DNAH1: variants seen among roughly 807,000 people sequenced by gnomAD.
DNAH1 encodes dynein axonemal heavy chain 1.
Under a neutral mutation model 484.3 loss-of-function variants are expected in DNAH1, and 327 were observed. That is an observed-to-expected ratio of 0.68 (90% confidence interval 0.62 to 0.74). The LOEUF is 0.74. Ranked by LOEUF, DNAH1 falls within the 30% of genes least tolerant of loss-of-function variation. DNAH1 has a pLI of 0.00. For synonymous variants in DNAH1, 2,192 were observed against 2,191.9 expected (o/e 1.00, Z 0.00); for missense variants, 5,052 against 5,546.8 (o/e 0.91, Z 2.83).
intron 73 of DNAH1, 62 bp downstream of exon 73, chr3:52,397,106 T>C: frequency 6.8e-7 from 1 of 1,462,706 alleles, no homozygotes; most frequent in East Asian, 2.5e-5. Context: ...TGGGGTACCA[T>C]GAGCACCTTG....
Position 52,358,536 on chromosome 3 carries a change from C to T in DNAH1, c.4087-22C>T, listed in dbSNP as rs966313117. ...CTGGGCACACCAGGGTGACCCCACT[C>T]CTGCTCCTCCACTGCTTGCAGCTGC... On this transcript the variant is annotated intron_variant, in intron 24 of 77. Transcript: ENST00000420323. The surrounding 1 kb of genome is among the most constrained non-coding windows in gnomAD (Gnocchi z 4.2). 18 of 1,586,614 alleles carry T rather than the reference C, an allele frequency of 1.1e-5. No individual in the cohort carries two copies. The Admixed American group carries it at 2.3e-4, about 20-fold the overall frequency.
rs1405296703 is a variant in DNAH1 at position 52,391,329 on chromosome 3, G to A, written c.9891+1G>A. 2.5e-6 allele frequency: 4 copies of A among 1,606,990 alleles called. No individual in the cohort carries two copies. Among genetic ancestry groups the A allele is most frequent in the Non-Finnish European group, 3.4e-6 (4 of 1,176,760 alleles). On this transcript the variant is annotated splice_donor_variant, in intron 62 of 77. Coordinates refer to ENST00000420323, the MANE Select transcript of DNAH1 (RefSeq NM_015512.5). LOFTEE classifies it high-confidence loss of function. ...CCTGGAGCCAGTGCTGCTCAAGCAG[G>A]TGGGTCTGCAGTGGTGATGGCAGGG...
rs373210302 is a variant in DNAH1 at position 52,359,992 on chromosome 3, T to G, written c.4484T>G (p.Ile1495Ser). 1 of 1,613,808 alleles carries G rather than the reference T, an allele frequency of 6.2e-7. No individual in the cohort carries two copies. The highest frequency in any genetic ancestry group is 1.3e-5 in the African/African-American group (1 of 74,932). Residue 1495 changes from isoleucine to serine, a missense_variant, in exon 27 of 78, where the codon ATT becomes AGT. Around this residue, in one of 4 missense-constraint regions of DNAH1, gnomAD observed 2,929 missense variants for 3,409.4 expected, o/e 0.86. Transcript: ENST00000420323. The part of the protein sequence containing the change: ...QRAVLSALIV[I>S]EVHAKDVVSK... ...GCAGTGCTGTCAGCGCTAATCGTCATTGAGGTCCATGCCAAGGACGTGGTG... is the reference window on the plus strand; with the variant it reads ...GCAGTGCTGTCAGCGCTAATCGTCAGTGAGGTCCATGCCAAGGACGTGGTG...
At chr3:52,335,352 T>TA (rs1005753114) in intron 8 of DNAH1, among the ~76,000 whole-genome samples, 4 of 141,560 alleles carry the variant, frequency 2.8e-5, no homozygotes, top group Admixed American at 7.1e-5. Context: ...ATAAGCTTTT[T>TA]AAAAAAATGT....
intron 48 of DNAH1, among the ~76,000 whole-genome samples, chr3:52,380,995 T>C (rs990838334): frequency 6.6e-6 from 1 of 152,264 alleles, no homozygotes; most frequent in African/African-American, 2.4e-5. Context: ...ATATGAGTTA[T>C]GGAGTTCACA....
At position 52,346,659 on chromosome 3, in the gene DNAH1, T is replaced by G. The variant is rs1490251819; in HGVS notation, c.1844T>G (p.Val615Gly). The G allele has an allele frequency of 6.2e-7, 1 of 1,614,056 alleles. No homozygotes were observed. The highest frequency in any genetic ancestry group is 1.1e-5 in the South Asian group (1 of 91,092). Residue 615 changes from valine (V) to glycine (G), a missense_variant, in exon 11 of 78, where the codon GTG becomes GGG. Coordinates refer to ENST00000420323, the MANE Select transcript of DNAH1 (RefSeq NM_015512.5). ...YMLQDTLRFL[V>G]QDSLASFSQF... ...CTGCAGGACACACTGCGCTTCCTGG[T>G]GCAGGACTCACTTGCCAGCTTCTCA...
chr3:52,349,088 A>G lies in DNAH1; in HGVS notation c.2300+7A>G. On this transcript the variant is annotated splice_region_variant and intron_variant, in intron 13 of 77. Coordinates refer to ENST00000420323, the MANE Select transcript of DNAH1 (RefSeq NM_015512.5). Reference sequence around the variant, plus strand: ...ACATTGCCTCCTTTCTCAAGTGCGTACGTGTGCCCATGCACGTCGGAGGGT... The same window carrying G: ...ACATTGCCTCCTTTCTCAAGTGCGTGCGTGTGCCCATGCACGTCGGAGGGT... The G allele has an allele frequency of 1.9e-6, 3 of 1,613,034 alleles. No individual in the cohort carries two copies. The highest frequency in any genetic ancestry group is 2.5e-6 in the Non-Finnish European group (3 of 1,179,648).
In DNAH1 at chr3:52,385,397, C is replaced by T. The variant is rs938168347; in HGVS notation, c.8575C>T (p.Leu2859=). The change falls in exon 54 of 78, where the codon CTG becomes TTG. Residue 2859 remains leucine (L), a synonymous_variant. Transcript: ENST00000420323. ...MQEDLESMHP[L]LEEAAKDTML... ...GGAGGACCTGGAGAGTATGCACCCC[C>T]TGCTGGAGGAGGCTGCCAAGGACAC... The T allele has an allele frequency of 1.9e-6, 3 of 1,552,786 alleles. No individual in the cohort carries two copies. The highest frequency in any genetic ancestry group is 2.7e-5 in the African/African-American group (2 of 73,104).
chr3:52,366,812 A>G lies in DNAH1; in HGVS notation c.5690A>G (p.Asn1897Ser), dbSNP rs138560279. 1.4e-4 allele frequency: 222 copies of G among 1,613,944 alleles called. 2 individuals carry two copies. In the East Asian group the frequency reaches 4.3e-3, roughly 31 times the overall value. The change falls in exon 36 of 78, where the codon AAC (asparagine) becomes AGC (serine). Residue 1897 changes from asparagine (N) to serine (S), a missense_variant. By Grantham distance (46) the Asn-to-Ser change is conservative (BLOSUM62 1). Around this residue, in one of 4 missense-constraint regions of DNAH1, gnomAD observed 2,929 missense variants for 3,409.4 expected, o/e 0.86. Coordinates refer to ENST00000420323, the MANE Select transcript of DNAH1 (RefSeq NM_015512.5). ...SISGGMYEAV[N>S]YYVLNPKSIT... ...AGTGGTGGCATGTACGAGGCTGTCA[A>G]CTACTACGTGCTCAACCCCAAGTCC... is the stretch of plus-strand genomic sequence containing the variant.
chr3:52,392,745 A>G (rs1288285936), intron 64 of DNAH1, 56 bp downstream of exon 64: 13 of 450,378 alleles, frequency 2.9e-5, no homozygotes, highest in Non-Finnish European at 3.7e-5. Context: ...CCTGCCCCCC[A>G]CCTCTCCCTG....
Position 52,382,386 on chromosome 3 carries a change from TGTG to T in DNAH1, c.7873_7875del (p.Val2625del), listed in dbSNP as rs1559554948. On this transcript the variant is annotated inframe_deletion, in exon 50 of 78. Coordinates refer to ENST00000420323, the MANE Select transcript of DNAH1 (RefSeq NM_015512.5). ...ACGGCATGTCCGAGTGGCGAGATGA[TGTG>T]AAGAAGGTCCTGCTCAAGGCGGGCC... 6.2e-7 allele frequency: 1 copy of T among 1,613,962 alleles called. No homozygotes were observed.
intron 16 of DNAH1, 51 bp downstream of exon 16, chr3:52,350,641 A>G (rs896009371): frequency 1.3e-5 from 20 of 1,529,414 alleles, no homozygotes; most frequent in Non-Finnish European, 1.8e-5. Context: ...GCATGAGGGG[A>G]GCTGCTGAGC....
At chr3:52,359,475 T>C in intron 26 of DNAH1, 89 bp downstream of exon 26, 1 of 1,506,442 alleles carries the variant, frequency 6.6e-7, no homozygotes, top group Non-Finnish European at 8.9e-7. Flanking sequence ...TCTCCTATAG[T>C]GAGCCTGGAA....
In DNAH1 at chr3:52,361,876, G is replaced by A; in HGVS notation, c.4980+110G>A. On this transcript the variant is annotated intron_variant, in intron 30 of 77. Coordinates refer to ENST00000420323, the MANE Select transcript of DNAH1 (RefSeq NM_015512.5). This position sits in a 1 kb window ranked among gnomAD's most constrained non-coding sequence, Gnocchi z 5.6. Reference sequence around the variant, plus strand: ...GGCGCTAAGGTCCACCCTGGGTCCAGCCTCTCTTGTCCCGGGGGCACACCC... The same window carrying A: ...GGCGCTAAGGTCCACCCTGGGTCCAACCTCTCTTGTCCCGGGGGCACACCC... 4 of 1,192,130 alleles carry A rather than the reference G, an allele frequency of 3.4e-6. No individual in the cohort carries two copies. Among genetic ancestry groups the A allele is most frequent in the Non-Finnish European group, 4.7e-6 (4 of 847,162 alleles). The allele number at this position is 1,192,130 out of a possible 1,614,324, so 73.8% of individuals were successfully genotyped here.
intron 36 of DNAH1, 141 bp downstream of exon 36, chr3:52,367,028 A>G (rs1703111315): frequency 2.8e-6 from 3 of 1,055,580 alleles, no homozygotes; most frequent in Non-Finnish European, 2.7e-6. Flanking sequence ...TCTCCATTCT[A>G]CTTCCTCGCT....
In DNAH1 at chr3:52,392,873, T is replaced by C; in HGVS notation, c.10322T>C (p.Leu3441Pro). ...IAEQTEKDID[L>P]TRMEYIPVAI... ...GAGCAGACGGAGAAGGACATCGACC[T>C]GACGCGCATGGAGTACATACCCGTG... Residue 3441 changes from leucine to proline, a missense_variant, in exon 65 of 78, where the codon CTG (leucine) becomes CCG (proline). Physicochemically the swap from Leu to Pro is moderately conservative, Grantham distance 98. Transcript: ENST00000420323. 1 of 1,574,266 alleles carries C rather than the reference T, an allele frequency of 6.4e-7. No homozygotes were observed. The highest frequency in any genetic ancestry group is 8.6e-7 in the Non-Finnish European group (1 of 1,159,876).
chr3:52,369,941 G>A lies in DNAH1; in HGVS notation c.6060G>A (p.Glu2020=), dbSNP rs1216982043. The part of the protein sequence containing the change: ...PSILGLMPFI[E]CWLRKLPPLL... The stretch of plus-strand genomic sequence containing the variant: ...TCCTGGGGCTCATGCCCTTCATCGA[G>A]TGCTGGCTGAGGAAGCTGCCTCCCT... The change falls in exon 38 of 78, where the codon GAG becomes GAA. Residue 2020 remains glutamate (E), a synonymous_variant. Transcript: ENST00000420323. 3 of 1,614,014 alleles carry A rather than the reference G, an allele frequency of 1.9e-6. No individual in the cohort carries two copies. The highest frequency in any genetic ancestry group is 2.5e-6 in the Non-Finnish European group (3 of 1,179,890).
In DNAH1 at chr3:52,383,821, C is replaced by T. The variant is rs749634906; in HGVS notation, c.8151-39C>T. On this transcript the variant is annotated intron_variant, in intron 51 of 77. Transcript: ENST00000420323. ...GTCCTGGGCTCCTGGGGTCGTTGGTCAGTGTCTCTGGACCTCATTTGGATT... is the reference window on the plus strand; with the variant it reads ...GTCCTGGGCTCCTGGGGTCGTTGGTTAGTGTCTCTGGACCTCATTTGGATT... The T allele has an allele frequency of 4.5e-6, 7 of 1,543,548 alleles. No individual in the cohort carries two copies. The East Asian group carries it at 1.4e-4, about 30-fold the overall frequency.
At chr3:52,350,911 C>T (rs1392030540) in intron 16 of DNAH1, among the ~76,000 whole-genome samples, 4 of 152,186 alleles carry the variant, frequency 2.6e-5, no homozygotes, top group South Asian at 2.1e-4. Flanking sequence ...TGCAGTGGCA[C>T]GATCTCAGCT....
Sources: allele counts gnomAD v4.1 joint callset (sites outside exome capture counted in the v4.1 genomes callset), GRCh38; gene constraint gnomAD v4.1.1; regional missense constraint gnomAD v4.1.1; non-coding constraint Gnocchi (gnomAD v3.1); transcripts MANE v1.5; gene names NCBI Gene and HGNC (gene_info 2026-07-23, HGNC 2026-07-21).